Variants in UBE2D2 observed in about 807,000 individuals in gnomAD.
UBE2D2 encodes the protein ubiquitin conjugating enzyme E2 D2.
Under a neutral mutation model 24.2 loss-of-function variants are expected in UBE2D2, and 2 were observed. The ratio of observed to expected loss-of-function variants is 0.08; its 90% confidence interval spans 0.03 to 0.26. UBE2D2 has a LOEUF of 0.26. Ranked by LOEUF, UBE2D2 falls within the 10% of genes least tolerant of loss-of-function variation. The pLI is 1.00. For missense variants in UBE2D2, 44 were observed against 177.6 expected (o/e 0.25, Z 4.28); for synonymous variants, 58 against 56.5 (o/e 1.03, Z -0.12).
chr5:139,604,683 T>C (rs897535549), intron 2 of UBE2D2, among the ~76,000 whole-genome samples: 1 of 152,006 alleles, frequency 6.6e-6, no homozygotes, highest in African/African-American at 2.4e-5. Flanking sequence ...CCAGGAGTTT[T>C]ATGCCAGCCT....
At chr5:139,625,184 A>T (rs917703567) in intron 6 of UBE2D2, among the ~76,000 whole-genome samples, 2 of 150,802 alleles carry the variant, frequency 1.3e-5, no homozygotes, top group African/African-American at 4.9e-5. Context: ...CAGCCTCCCC[A>T]GTAGCTGGGA....
intron 1 of UBE2D2, among the ~76,000 whole-genome samples, chr5:139,574,949 T>C (rs1753436226): frequency 6.6e-6 from 1 of 152,162 alleles, no homozygotes; most frequent in Non-Finnish European, 1.5e-5. Context: ...CAAATGTGCT[T>C]GGCAGTTTTA....
upstream of UBE2D2, among the ~76,000 whole-genome samples, chr5:139,556,830 C>T (rs1752986870): frequency 6.6e-6 from 1 of 151,704 alleles, no homozygotes; most frequent in South Asian, 2.1e-4. Flanking sequence ...CTGAATAGTT[C>T]CATACTTTTT....
chr5:139,552,095 A>G (rs1405024085), intron 1 of UBE2D2, among the ~76,000 whole-genome samples: 1 of 152,182 alleles, frequency 6.6e-6, no homozygotes, highest in Admixed American at 6.6e-5. Context: ...ATGAGTTACT[A>G]CAAACTGACA....
chr5:139,566,170 C>T (rs1379919787), intron 1 of UBE2D2, among the ~76,000 whole-genome samples: 1 of 151,976 alleles, frequency 6.6e-6, no homozygotes, highest in African/African-American at 2.4e-5. Flanking sequence ...AGGCACTCAC[C>T]ACCATGCCCA....
intron 1 of UBE2D2, among the ~76,000 whole-genome samples, chr5:139,579,378 C>T (rs963803203): frequency 6.6e-6 from 1 of 152,154 alleles, no homozygotes; most frequent in African/African-American, 2.4e-5. Flanking sequence ...AACTCCCGAC[C>T]TCAGGTGATC....
chr5:139,597,593 T>C (rs1306699846), intron 1 of UBE2D2, among the ~76,000 whole-genome samples: 1 of 152,188 alleles, frequency 6.6e-6, no homozygotes, highest in African/African-American at 2.4e-5. Context: ...TAAAGCGAAA[T>C]CAAAAGTAAA....
At chr5:139,578,922 G>A (rs1265942476) in intron 1 of UBE2D2, among the ~76,000 whole-genome samples, 1 of 152,136 alleles carries the variant, frequency 6.6e-6, no homozygotes, top group Non-Finnish European at 1.5e-5. Context: ...ACATGCCATT[G>A]ATTATATGCA....
chr5:139,566,340 CG>C (rs1237683564), intron 1 of UBE2D2, among the ~76,000 whole-genome samples: 1 of 151,462 alleles, frequency 6.6e-6, no homozygotes, highest in Non-Finnish European at 1.5e-5. Context: ...TCTTTTAAGG[CG>C]TCTCAAGACA....
intron 2 of UBE2D2, among the ~76,000 whole-genome samples, chr5:139,603,985 AAG>A (rs1476580887): frequency 6.6e-6 from 1 of 152,150 alleles, no homozygotes; most frequent in African/African-American, 2.4e-5. Context: ...GCTAATCAGT[AAG>A]AGAAAAAAAT....
At chr5:139,604,346 C>T (rs913517492) in intron 2 of UBE2D2, among the ~76,000 whole-genome samples, 6 of 151,906 alleles carry the variant, frequency 3.9e-5, no homozygotes, top group African/African-American at 1.5e-4. Flanking sequence ...CCATGTTGGC[C>T]AGGCTGGTCT....
intron 5 of UBE2D2, among the ~76,000 whole-genome samples, chr5:139,622,672 G>A (rs1409288319): frequency 4.7e-5 from 7 of 149,774 alleles, no homozygotes; most frequent in Non-Finnish European, 5.9e-5. Flanking sequence ...GGCGGATCAC[G>A]AGGTCAGGAG....
chr5:139,603,056 T>C (rs1043836752), intron 2 of UBE2D2, among the ~76,000 whole-genome samples: 3 of 152,178 alleles, frequency 2.0e-5, no homozygotes, highest in Admixed American at 2.0e-4. Context: ...AGATTCTCCA[T>C]GTGAACTCAC....
At chr5:139,593,766 C>T (rs1050337345) in intron 1 of UBE2D2, among the ~76,000 whole-genome samples, 9 of 152,052 alleles carry the variant, frequency 5.9e-5, no homozygotes, top group African/African-American at 2.2e-4. Context: ...CTCTCTCCAC[C>T]ATGCTGGGCT....
intron 1 of UBE2D2, among the ~76,000 whole-genome samples, chr5:139,568,378 G>A (rs1753284870): frequency 6.6e-6 from 1 of 151,938 alleles, no homozygotes; most frequent in Non-Finnish European, 1.5e-5. Context: ...CTGTAGGCCG[G>A]GCTGGGCGCT....
intron 1 of UBE2D2, among the ~76,000 whole-genome samples, chr5:139,543,206 T>C (rs1297701441): frequency 6.6e-6 from 1 of 152,154 alleles, no homozygotes; most frequent in African/African-American, 2.4e-5. Context: ...ATGTTACTTT[T>C]TAAATTAAAC....
chr5:139,611,463 C>CA (rs1175636084), intron 2 of UBE2D2, among the ~76,000 whole-genome samples: 1 of 152,088 alleles, frequency 6.6e-6, no homozygotes, highest in African/African-American at 2.4e-5. Context: ...GCTGGGATTA[C>CA]AGGCGTGAGC....
chr5:139,556,917 C>T (rs1274065199), upstream of UBE2D2, among the ~76,000 whole-genome samples: 2 of 151,740 alleles, frequency 1.3e-5, no homozygotes, highest in Non-Finnish European at 2.9e-5. Context: ...TCACTGCAAC[C>T]TCTGCCTCCC....
intron 1 of UBE2D2, among the ~76,000 whole-genome samples, chr5:139,590,849 C>T (rs1753832512): frequency 1.6e-5 from 2 of 123,726 alleles, no homozygotes; most frequent in Admixed American, 1.1e-4. Flanking sequence ...GGCTGGAGTG[C>T]AGTGGCGCGA....
Sources: allele counts gnomAD v4.1 joint callset (sites outside exome capture counted in the v4.1 genomes callset), GRCh38; gene constraint gnomAD v4.1.1; transcripts MANE v1.5; gene names NCBI Gene and HGNC (gene_info 2026-07-23, HGNC 2026-07-21).